The following POU2F3 variants were observed in gnomAD, a reference collection of about 807,000 sequenced individuals.
The protein encoded by POU2F3 is POU class 2 homeobox 3.
Under a neutral mutation model 59.2 loss-of-function variants are expected in POU2F3, and 23 were observed. That is an observed-to-expected ratio of 0.39 (90% CI 0.28 to 0.55). The LOEUF is 0.55. Among genes scored for constraint, POU2F3 ranks in the 20% least tolerant of loss-of-function variants. POU2F3 has a pLI of 0.66. For synonymous variants in POU2F3, 190 were observed against 214.6 expected (o/e 0.89, Z 1.00); for missense variants, 473 against 544.5 (o/e 0.87, Z 1.31).
intron 3 of POU2F3, among the ~76,000 whole-genome samples, chr11:120,286,136 C>T (rs566545925): frequency 6.6e-5 from 10 of 152,268 alleles, no homozygotes; most frequent in South Asian, 6.2e-4. Flanking sequence ...CTGCCTGCCT[C>T]GGCCTACCAG....
chr11:120,288,231 C>T (rs1940885910), intron 3 of POU2F3, among the ~76,000 whole-genome samples: 1 of 150,386 alleles, frequency 6.6e-6, no homozygotes, highest in Admixed American at 6.6e-5. Context: ...GGCATGGTTG[C>T]TTTTAAAACA....
At chr11:120,274,417 C>A (rs887892052) in intron 3 of POU2F3, among the ~76,000 whole-genome samples, 5 of 152,018 alleles carry the variant, frequency 3.3e-5, no homozygotes, top group African/African-American at 1.2e-4. Context: ...ATGGAGAGAC[C>A]CAGCTTTAAG....
intron 2 of POU2F3, chr11:120,258,870 GT>G (rs1939474706): frequency 6.6e-6 from 1 of 152,322 alleles, no homozygotes; most frequent in Non-Finnish European, 1.5e-5. Flanking sequence ...AGGGGATGGG[GT>G]TGAGGCAGGG....
intron 2 of POU2F3, among the ~76,000 whole-genome samples, chr11:120,253,127 T>G (rs1489807455): frequency 6.6e-6 from 1 of 152,144 alleles, no homozygotes; most frequent in Non-Finnish European, 1.5e-5. Context: ...GTCACAGACA[T>G]GCACCCAGAC....
At chr11:120,279,317 T>A (rs1349624089) in intron 3 of POU2F3, among the ~76,000 whole-genome samples, 3 of 152,228 alleles carry the variant, frequency 2.0e-5, no homozygotes, top group Non-Finnish European at 4.4e-5. Flanking sequence ...GAGTATCTAT[T>A]TCCTAGGGAT....
intron 2 of POU2F3, among the ~76,000 whole-genome samples, chr11:120,262,902 G>A (rs377286638): frequency 7.9e-5 from 12 of 151,588 alleles, no homozygotes; most frequent in South Asian, 4.2e-4. Flanking sequence ...TTTTTCTATC[G>A]TGGTAAAAAA....
At chr11:120,297,390 G>A (rs1054453698) in intron 3 of POU2F3, among the ~76,000 whole-genome samples, 3 of 152,246 alleles carry the variant, frequency 2.0e-5, no homozygotes, top group African/African-American at 7.2e-5. Flanking sequence ...CCCTCAGGCT[G>A]TAACTACAGC....
chr11:120,304,618 AC>A (rs1220837728), intron 6 of POU2F3, among the ~76,000 whole-genome samples: 1 of 150,054 alleles, frequency 6.7e-6, no homozygotes, highest in Non-Finnish European at 1.5e-5. Context: ...AAAACAAAAA[AC>A]AAAAAAACAA....
chr11:120,271,202 T>G (rs949789326), intron 3 of POU2F3, among the ~76,000 whole-genome samples: 1 of 152,170 alleles, frequency 6.6e-6, no homozygotes, highest in African/African-American at 2.4e-5. Flanking sequence ...GAGATAGGCT[T>G]CAATTAAAGA....
chr11:120,272,339 G>T (rs145358162), intron 3 of POU2F3, among the ~76,000 whole-genome samples: 62 of 152,300 alleles, frequency 4.1e-4, no homozygotes, highest in African/African-American at 1.4e-3. Flanking sequence ...TTTCCCATGA[G>T]GCCTTGCTGC....
chr11:120,272,594 G>C (rs757167873), intron 3 of POU2F3, among the ~76,000 whole-genome samples: 14 of 152,246 alleles, frequency 9.2e-5, no homozygotes, highest in Non-Finnish European at 1.5e-4. Flanking sequence ...CCCCAGGCCA[G>C]TTGGTGCAGC....
At chr11:120,298,215 C>A in intron 3 of POU2F3, 50 bp from the exon 4 acceptor site, 1 of 1,563,198 alleles carries the variant, frequency 6.4e-7, no homozygotes, top group Non-Finnish European at 8.7e-7. Flanking sequence ...CCATCTCTGA[C>A]TGCCTGACGG....
At chr11:120,271,422 C>G (rs890002127) in intron 3 of POU2F3, among the ~76,000 whole-genome samples, 2 of 152,254 alleles carry the variant, frequency 1.3e-5, no homozygotes, top group Non-Finnish European at 2.9e-5. Context: ...GATGGATTCT[C>G]TGATCCTGAT....
chr11:120,276,257 A>T (rs1940319285), intron 3 of POU2F3, among the ~76,000 whole-genome samples: 1 of 152,186 alleles, frequency 6.6e-6, no homozygotes, highest in African/African-American at 2.4e-5. Flanking sequence ...CACTTAGCTG[A>T]CTATTAGGAA....
At chr11:120,250,875 G>A (rs2135139685) in intron 2 of POU2F3, among the ~76,000 whole-genome samples, 1 of 152,176 alleles carries the variant, frequency 6.6e-6, no homozygotes, top group East Asian at 1.9e-4. Context: ...TACTCAGGGG[G>A]CTGAGGCAGG....
chr11:120,291,130 A>G (rs576998876), intron 3 of POU2F3, among the ~76,000 whole-genome samples: 1 of 152,330 alleles, frequency 6.6e-6, no homozygotes, highest in African/African-American at 2.4e-5. Flanking sequence ...TGCCCTGCAT[A>G]GTCATTGAGA....
At position 120,317,382 on chromosome 11, in the gene POU2F3, G is replaced by T; in HGVS notation, c.1271+18G>T. On this transcript the variant is annotated intron_variant, in intron 12 of 12. Transcript: ENST00000543440. ...TCTTCAGGGTAAGGTGAAGGGGACG[G>T]TGCAGAGACATCCCAGCAGGGCCAA... 1.2e-6 allele frequency: 2 copies of T among 1,613,900 alleles called. No homozygotes were observed. Among genetic ancestry groups the T allele is most frequent in the Non-Finnish European group, 1.7e-6 (2 of 1,179,884 alleles).
At chr11:120,261,882 A>G (rs1591386969) in intron 2 of POU2F3, among the ~76,000 whole-genome samples, 1 of 152,230 alleles carries the variant, frequency 6.6e-6, no homozygotes, top group Non-Finnish European at 1.5e-5. Flanking sequence ...CAGTTCTGTA[A>G]CAGCCCTGAA....
chr11:120,237,768 G>A (rs1019430089), upstream of POU2F3, among the ~76,000 whole-genome samples: 5 of 152,128 alleles, frequency 3.3e-5, no homozygotes, highest in African/African-American at 1.2e-4. Context: ...GGTAAGAAAT[G>A]GACTTCAGGG....
Sources: allele counts gnomAD v4.1 joint callset (sites outside exome capture counted in the v4.1 genomes callset), GRCh38; gene constraint gnomAD v4.1.1; transcripts MANE v1.5; gene names NCBI Gene and HGNC (gene_info 2026-07-23, HGNC 2026-07-21).